The following PXDNL variants were observed in gnomAD, a reference collection of about 807,000 sequenced individuals.
The protein encoded by PXDNL is peroxidasin like.
A neutral mutation model predicts 150.8 loss-of-function variants in PXDNL; 145 were observed. The ratio of observed to expected loss-of-function variants is 0.96; its 90% CI spans 0.84 to 1.10. The LOEUF (loss-of-function observed/expected upper bound fraction) is 1.10. PXDNL is among the 50% of genes least tolerant of loss of function. PXDNL has a pLI of 0.00. For missense variants in PXDNL, 2,087 were observed against 1,873.9 expected (o/e 1.11, Z -2.10); for synonymous variants, 757 against 725.7 (o/e 1.04, Z -0.69).
chr8:51,455,237 C>CTAA (rs1809914089), intron 9 of PXDNL, among the ~76,000 whole-genome samples: 1 of 151,420 alleles, frequency 6.6e-6, no homozygotes, highest in African/African-American at 2.4e-5. Flanking sequence ...CTGATGCATG[C>CTAA]ATGGAACTAA....
chr8:51,805,620 T>A (rs2037667944), intron 1 of PXDNL, among the ~76,000 whole-genome samples: 1 of 152,008 alleles, frequency 6.6e-6, no homozygotes, highest in African/African-American at 2.4e-5. Context: ...TCAAGTTTTC[T>A]ATTATTTGGA....
chr8:51,341,551 G>A (rs902797387), intron 20 of PXDNL, among the ~76,000 whole-genome samples: 12 of 152,176 alleles, frequency 7.9e-5, no homozygotes, highest in Non-Finnish European at 1.6e-4. Context: ...GTTGTGCAGC[G>A]AATCTCTAGA....
chr8:51,524,509 A>G lies in PXDNL; in HGVS notation c.381-24739T>C, dbSNP rs190767152. Among the ~76,000 whole-genome samples, 52 of 152,288 alleles carry G rather than the reference A, an allele frequency of 3.4e-4. 1 individual carries two copies. The highest frequency in any genetic ancestry group is 1.2e-3 in the African/African-American group (49 of 41,560). Reference sequence around the variant, plus strand: ...CTTTTTCTAAGCTTTGTGAAATACCATCACAAATCTCAAAATTTAGGCAAA... The same window carrying G: ...CTTTTTCTAAGCTTTGTGAAATACCGTCACAAATCTCAAAATTTAGGCAAA... On this transcript the variant is annotated intron_variant, in intron 4 of 22. Coordinates refer to ENST00000356297, the MANE Select transcript of PXDNL (RefSeq NM_144651.5).
At chr8:51,751,996 AAGG>A (rs1383809040) in intron 1 of PXDNL, among the ~76,000 whole-genome samples, 2 of 152,202 alleles carry the variant, frequency 1.3e-5, no homozygotes, top group South Asian at 2.1e-4. Flanking sequence ...CACCAGTTAC[AAGG>A]AGAAGGCCTG....
chr8:51,761,017 C>T (rs2130997392), intron 1 of PXDNL, among the ~76,000 whole-genome samples: 1 of 144,830 alleles, frequency 6.9e-6, no homozygotes, highest in Non-Finnish European at 1.5e-5. Flanking sequence ...CGCCACAACG[C>T]CCGGCTAATT....
intron 1 of PXDNL, among the ~76,000 whole-genome samples, chr8:51,760,921 C>T (rs1308847886): frequency 1.1e-4 from 13 of 121,134 alleles, no homozygotes; most frequent in Admixed American, 2.2e-4. Flanking sequence ...TGCAGTGGCG[C>T]GATCTCAGCT....
intron 1 of PXDNL, among the ~76,000 whole-genome samples, chr8:51,767,778 T>A (rs553265461): frequency 6.6e-6 from 1 of 152,332 alleles, no homozygotes; most frequent in South Asian, 2.1e-4. Context: ...TTTTTGGCCG[T>A]CCTCTTGTTT....
chr8:51,390,519 TTTA>T (rs1807859591), intron 17 of PXDNL, among the ~76,000 whole-genome samples: 1 of 152,204 alleles, frequency 6.6e-6, no homozygotes, highest in Admixed American at 6.5e-5. Flanking sequence ...CATAAATATC[TTTA>T]TTATAATTTA....
intron 3 of PXDNL, among the ~76,000 whole-genome samples, chr8:51,567,785 T>A (rs966668279): frequency 2.6e-5 from 4 of 151,782 alleles, no homozygotes; most frequent in African/African-American, 9.7e-5. Flanking sequence ...AGTTCTGATA[T>A]AAAACGATGC....
chr8:51,382,658 G>T (rs950594950), intron 17 of PXDNL, among the ~76,000 whole-genome samples: 1 of 151,888 alleles, frequency 6.6e-6, no homozygotes, highest in Non-Finnish European at 1.5e-5. Context: ...AAGGTACAGA[G>T]ACTTATCATA....
Position 51,406,027 on chromosome 8 carries a change from G to C in PXDNL, c.3557+2040C>G, listed in dbSNP as rs538631339. Among the ~76,000 whole-genome samples the C allele has an allele frequency of 5.3e-5, 8 of 152,328 alleles. 1 individual carries two copies. Among genetic ancestry groups the C allele is most frequent in the African/African-American group, 1.9e-4 (8 of 41,580 alleles). On this transcript the variant is annotated intron_variant, in intron 17 of 22. Transcript: ENST00000356297. Reference sequence around the variant, plus strand: ...TCCCCAGCTGCTGTCCGTCTGAAAGGCCACTCATACTTCACATCAGCCACT... The same window carrying C: ...TCCCCAGCTGCTGTCCGTCTGAAAGCCCACTCATACTTCACATCAGCCACT...
At chr8:51,570,523 T>C (rs1812911274) in intron 3 of PXDNL, among the ~76,000 whole-genome samples, 1 of 151,932 alleles carries the variant, frequency 6.6e-6, no homozygotes, top group Admixed American at 6.6e-5. Context: ...AAAAAGAAAC[T>C]TTCATTTTTC....
chr8:51,698,148 G>A (rs896846529), intron 1 of PXDNL, among the ~76,000 whole-genome samples: 13 of 152,180 alleles, frequency 8.5e-5, no homozygotes, highest in African/African-American at 3.1e-4. Context: ...TAGCTGTAAC[G>A]ATTCCTCAAA....
In PXDNL at chr8:51,721,021, C is replaced by T. The variant is rs534488036; in HGVS notation, c.165-66261G>A. Among the ~76,000 whole-genome samples the T allele has an allele frequency of 2.6e-5, 4 of 152,330 alleles. No homozygotes were observed. In the South Asian group the frequency reaches 6.2e-4, roughly 24 times the overall value. ...TGGCTCTTCCAGATAGTGACAGGGA[C>T]GGAGCTGAAGCACTGTCTCAGAGGC... On this transcript the variant is annotated intron_variant, in intron 1 of 22. Coordinates refer to ENST00000356297, the MANE Select transcript of PXDNL (RefSeq NM_144651.5).
At chr8:51,335,223 T>C (rs766790) in intron 21 of PXDNL, among the ~76,000 whole-genome samples, 34,009 of 152,160 alleles carry the variant, frequency 0.22, 3,922 homozygotes, top group Middle Eastern at 0.3. Context: ...TTTATGTAAT[T>C]GGCATTCAGA....
intron 3 of PXDNL, among the ~76,000 whole-genome samples, chr8:51,561,909 C>T (rs368149441): frequency 1.6e-4 from 24 of 151,498 alleles, no homozygotes; most frequent in East Asian, 9.7e-4. Flanking sequence ...AATGTTAAAC[C>T]GACATAAAAT....
intron 12 of PXDNL, among the ~76,000 whole-genome samples, 155 bp downstream of exon 12, chr8:51,446,849 C>A (rs149224586): frequency 6.6e-6 from 1 of 151,920 alleles, no homozygotes; most frequent in East Asian, 1.9e-4. Flanking sequence ...ATATAAAAGA[C>A]TGATTGGAAG....
chr8:51,417,620 T>A (rs529153966), intron 14 of PXDNL, among the ~76,000 whole-genome samples: 2 of 152,270 alleles, frequency 1.3e-5, no homozygotes, highest in South Asian at 2.1e-4. Context: ...ATCCTCCCCC[T>A]TTTTCCCCCT....
At chr8:51,361,162 T>C (rs1234417908) in intron 19 of PXDNL, among the ~76,000 whole-genome samples, 2 of 152,162 alleles carry the variant, frequency 1.3e-5, no homozygotes, top group African/African-American at 4.8e-5. Context: ...CTCTCTGAGT[T>C]TGAGCAAATT....
Sources: gnomAD v4.1 joint callset for allele counts (sites outside exome capture counted in the v4.1 genomes callset) on GRCh38, gnomAD v4.1.1 for gene constraint, MANE v1.5 for transcripts, NCBI Gene and HGNC (gene_info 2026-07-23, HGNC 2026-07-21) for gene names.